Variants in IMMP2L observed in about 807,000 individuals in gnomAD.
IMMP2L encodes the protein inner mitochondrial membrane peptidase subunit 2.
Under a neutral mutation model 19.3 loss-of-function variants are expected in IMMP2L, and 18 were observed. The ratio of observed to expected loss-of-function variants is 0.93; its 90% CI spans 0.64 to 1.38. The LOEUF (loss-of-function observed/expected upper bound fraction) is 1.38, where lower values mean the gene tolerates loss of function less well. IMMP2L is among the 40% of genes most tolerant of loss of function. IMMP2L has a pLI of 0.00. For synonymous variants in IMMP2L, 76 were observed against 73.0 expected, an observed-to-expected ratio of 1.04 and a Z score of -0.21; for missense variants, 233 against 218.2, an observed-to-expected ratio of 1.07 and a Z score of -0.43.
intron 3 of IMMP2L, among the ~76,000 whole-genome samples, chr7:111,360,474 T>C (rs1428028729): frequency 6.6e-6 from 1 of 152,090 alleles, no homozygotes; most frequent in Non-Finnish European, 1.5e-5. Context: ...AAAGCAGATA[T>C]GAGAATCCAC....
At chr7:110,938,137 G>T (rs1442436212) in intron 4 of IMMP2L, among the ~76,000 whole-genome samples, 2 of 152,030 alleles carry the variant, frequency 1.3e-5, no homozygotes, top group African/African-American at 4.8e-5. Flanking sequence ...GTTATCGTCT[G>T]TCAGGTACAT....
chr7:111,354,869 G>A (rs183563167), intron 3 of IMMP2L, among the ~76,000 whole-genome samples: 10 of 151,884 alleles, frequency 6.6e-5, no homozygotes, highest in Admixed American at 3.9e-4. Flanking sequence ...GGAAATACAA[G>A]AAGTTCTGAA....
chr7:111,015,229 G>C (rs1825378174), intron 3 of IMMP2L, among the ~76,000 whole-genome samples: 1 of 152,094 alleles, frequency 6.6e-6, no homozygotes, highest in Non-Finnish European at 1.5e-5. Flanking sequence ...GCTTTAAAAA[G>C]GAAGGATAGC....
rs1393784955 is a variant in IMMP2L at position 111,249,718 on chromosome 7, A to G, written c.239+237520T>C. On this transcript the variant is annotated intron_variant, in intron 3 of 5. Coordinates refer to ENST00000405709, the MANE Select transcript of IMMP2L (RefSeq NM_032549.4). ...CTTTGGTAAAATTCAACATCCCTTC[A>G]TGTTAAAAACTCTCAATAAACTAGG... Among the ~76,000 whole-genome samples, 3 of 152,190 alleles carry G rather than the reference A, an allele frequency of 2.0e-5. No individual in the cohort carries two copies. The East Asian group carries it at 5.8e-4, about 29-fold the overall frequency.
At chr7:111,269,557 A>T (rs1163505998) in intron 3 of IMMP2L, among the ~76,000 whole-genome samples, 1 of 152,200 alleles carries the variant, frequency 6.6e-6, no homozygotes, top group East Asian at 1.9e-4. Flanking sequence ...GACAAGTATT[A>T]TTAAACACAC....
intron 3 of IMMP2L, among the ~76,000 whole-genome samples, chr7:111,327,020 A>AT (rs1825389209): frequency 1.3e-5 from 2 of 151,918 alleles, no homozygotes; most frequent in South Asian, 4.1e-4. Context: ...ATACTCTAGA[A>AT]TATTATTCAG....
intron 3 of IMMP2L, among the ~76,000 whole-genome samples, chr7:111,256,390 C>T (rs1424033445): frequency 1.3e-5 from 2 of 152,108 alleles, no homozygotes; most frequent in South Asian, 2.1e-4. Context: ...TTATTTTCTA[C>T]ATATAACACT....
At chr7:111,399,057 A>T (rs1291076111) in intron 3 of IMMP2L, among the ~76,000 whole-genome samples, 1 of 152,130 alleles carries the variant, frequency 6.6e-6, no homozygotes, top group Admixed American at 6.5e-5. Context: ...TACTGCCAAA[A>T]GCAGTCTACA....
intron 5 of IMMP2L, among the ~76,000 whole-genome samples, chr7:110,793,086 G>A (rs761486799): frequency 3.9e-5 from 6 of 152,000 alleles, no homozygotes. Flanking sequence ...TTGGGGAAAT[G>A]GGGAGAAACT....
chr7:110,995,497 G>T (rs1023590252), intron 3 of IMMP2L, among the ~76,000 whole-genome samples: 1 of 152,150 alleles, frequency 6.6e-6, no homozygotes, highest in African/African-American at 2.4e-5. Context: ...TTTCTTCCAG[G>T]AGATAAGAAG....
At position 110,789,481 on chromosome 7, in the gene IMMP2L, A is replaced by G. The variant is rs566602344; in HGVS notation, c.408+97112T>C. On this transcript the variant is annotated intron_variant, in intron 5 of 5. Coordinates refer to ENST00000405709, the MANE Select transcript of IMMP2L (RefSeq NM_032549.4). Reference sequence around the variant, plus strand: ...CAGGATCCTACGACTTCATACCATCATATCTTTTGTCTGGACTATTGCAGT... The same window carrying G: ...CAGGATCCTACGACTTCATACCATCGTATCTTTTGTCTGGACTATTGCAGT... Among the ~76,000 whole-genome samples the G allele has an allele frequency of 1.1e-3, 166 of 151,794 alleles. 3 individuals carry two copies. Among genetic ancestry groups the G allele is most frequent in the African/African-American group, 3.8e-3 (158 of 41,210 alleles).
chr7:111,311,299 G>C (rs924086808), intron 3 of IMMP2L, among the ~76,000 whole-genome samples: 1 of 151,942 alleles, frequency 6.6e-6, no homozygotes, highest in Admixed American at 6.6e-5. Context: ...ATGAGAGAAG[G>C]GAAAGAAAGA....
At chr7:111,395,319 T>C (rs1832756090) in intron 3 of IMMP2L, among the ~76,000 whole-genome samples, 1 of 152,194 alleles carries the variant, frequency 6.6e-6, no homozygotes, top group Non-Finnish European at 1.5e-5. Context: ...TCTTTCTCCA[T>C]AAATGGAAAC....
intron 5 of IMMP2L, among the ~76,000 whole-genome samples, chr7:110,789,728 C>T (rs1238202102): frequency 2.0e-5 from 3 of 151,618 alleles, no homozygotes; most frequent in South Asian, 2.1e-4. Context: ...TATTTCCTAC[C>T]GTCCTCCCTG....
At chr7:111,276,179 A>T (rs1819026142) in intron 3 of IMMP2L, among the ~76,000 whole-genome samples, 1 of 152,062 alleles carries the variant, frequency 6.6e-6, no homozygotes, top group African/African-American at 2.4e-5. Context: ...TTACTGAAGG[A>T]AATTTTTGCA....
chr7:111,384,676 G>A (rs932260935), intron 3 of IMMP2L, among the ~76,000 whole-genome samples: 1 of 152,076 alleles, frequency 6.6e-6, no homozygotes, highest in South Asian at 2.1e-4. Context: ...CTCTTAAGCA[G>A]CAAGCAAAAA....
At chr7:110,859,098 T>C (rs1807112759) in intron 5 of IMMP2L, among the ~76,000 whole-genome samples, 1 of 152,100 alleles carries the variant, frequency 6.6e-6, no homozygotes, top group African/African-American at 2.4e-5. Context: ...TGAAAATGAA[T>C]AGTTGATTTG....
At chr7:111,030,548 T>C (rs563735127) in intron 3 of IMMP2L, among the ~76,000 whole-genome samples, 3 of 152,140 alleles carry the variant, frequency 2.0e-5, no homozygotes, top group Admixed American at 6.6e-5. Flanking sequence ...TGACTGTGAT[T>C]AAAGATTTAG....
At chr7:111,084,487 C>A (rs922798659) in intron 3 of IMMP2L, among the ~76,000 whole-genome samples, 4 of 151,678 alleles carry the variant, frequency 2.6e-5, no homozygotes, top group Non-Finnish European at 5.9e-5. Flanking sequence ...GATGGATGCA[C>A]GGATAAAGAG....
Sources: allele counts gnomAD v4.1 joint callset (sites outside exome capture counted in the v4.1 genomes callset), GRCh38; gene constraint gnomAD v4.1.1; transcripts MANE v1.5; gene names NCBI Gene and HGNC (gene_info 2026-07-23, HGNC 2026-07-21).